EVPL: variants seen among roughly 807,000 people sequenced by gnomAD.
EVPL encodes envoplakin, also known as 210 kDa cornified envelope precursor protein.
In EVPL, 94 loss-of-function variants were observed where a neutral mutation model predicts 129.7. That is an observed-to-expected ratio of 0.72 (90% CI 0.61 to 0.86). The LOEUF is 0.86. Ranked by LOEUF, EVPL falls within the 40% of genes least tolerant of loss-of-function variation. The pLI is 0.00. For synonymous variants in EVPL, 1,172 were observed against 1,191.1 expected (o/e 0.98, Z 0.33); for missense variants, 2,625 against 2,721.1 (o/e 0.96, Z 0.79).
Position 76,009,104 on chromosome 17 carries a change from C to A in EVPL, c.4101G>T (p.Glu1367Asp). 1.2e-6 allele frequency: 2 copies of A among 1,613,204 alleles called. No homozygotes were observed. Among genetic ancestry groups the A allele is most frequent in the Non-Finnish European group, 1.7e-6 (2 of 1,179,514 alleles). Residue 1367 changes from glutamate (E) to aspartate (D), a missense_variant, in exon 22 of 22, where the codon GAG becomes GAT. Physicochemically the swap from Glu to Asp is conservative, Grantham distance 45. Coordinates refer to ENST00000301607, the MANE Select transcript of EVPL (RefSeq NM_001988.4). The surrounding 1 kb of genome is among the most constrained non-coding windows in gnomAD (Gnocchi z 5.9). ...CCACCTCCTGCACCACCACCTTCTC[C>A]TCGGGCTTCCTCCTCTCCAGCAGCA... is the stretch of plus-strand genomic sequence containing the variant. ...KRLLLERRKPEEKVVVQEVVV... is the reference protein window; with the variant it reads ...KRLLLERRKPDEKVVVQEVVV...
At position 76,013,953 on chromosome 17, in the gene EVPL, T is replaced by G. The variant is rs1430859365; in HGVS notation, c.2373+473A>C. Reference sequence around the variant, plus strand: ...TCCCCCTCCTTTCCCCTGACTGCCATGCCTTCTGCATGGGACATTTCATCC... The same window carrying G: ...TCCCCCTCCTTTCCCCTGACTGCCAGGCCTTCTGCATGGGACATTTCATCC... On this transcript the variant is annotated intron_variant, in intron 18 of 21. Coordinates refer to ENST00000301607, the MANE Select transcript of EVPL (RefSeq NM_001988.4). This position sits in a 1 kb window ranked among gnomAD's most constrained non-coding sequence, Gnocchi z 4.3. Among the ~76,000 whole-genome samples, 1 of 152,040 alleles carries G rather than the reference T, an allele frequency of 6.6e-6. No individual in the cohort carries two copies. The highest frequency in any genetic ancestry group is 1.5e-5 in the Non-Finnish European group (1 of 67,984).
Position 76,010,548 on chromosome 17 carries a change from A to G in EVPL, c.2662-5T>C. The G allele has an allele frequency of 6.2e-7, 1 of 1,609,086 alleles. No individual in the cohort carries two copies. The highest frequency in any genetic ancestry group is 8.5e-7 in the Non-Finnish European group (1 of 1,177,516). On this transcript the variant is annotated splice_region_variant and splice_polypyrimidine_tract_variant and intron_variant, in intron 21 of 21. Transcript: ENST00000301607. ...GATGTCCTCACTGAGCTCCTTCTGC[A>G]GAGAGGAAGAAGGGTAGAGCACGGG...
intron 4 of EVPL, 123 bp downstream of exon 4, chr17:76,023,169 C>G: frequency 6.6e-7 from 1 of 1,512,270 alleles, no homozygotes; most frequent in Non-Finnish European, 8.9e-7. Flanking sequence ...TCTGCTGTCT[C>G]TCTGCCCAGA....
chr17:76,023,320 T>C lies in EVPL; in HGVS notation c.452A>G (p.Asp151Gly), dbSNP rs765043883. Residue 151 changes from aspartate (D) to glycine (G), a missense_variant, in exon 4 of 22, where the codon GAC becomes GGC. Around this residue, in one of 4 missense-constraint regions of EVPL, gnomAD observed 1,024 missense variants for 997.5 expected, o/e 1.03. Transcript: ENST00000301607. ...TTTCTGCTCCAGCACGCGTGCCCAGTCGACCCTGGGTCCCACGTCGGGGGG... is the reference window on the plus strand; with the variant it reads ...TTTCTGCTCCAGCACGCGTGCCCAGCCGACCCTGGGTCCCACGTCGGGGGG... The part of the protein sequence containing the change: ...VLPPDVGPRV[D>G]WARVLEQKQK... The C allele has an allele frequency of 2.5e-6, 4 of 1,613,930 alleles. No homozygotes were observed. Among genetic ancestry groups the C allele is most frequent in the Admixed American group, 3.3e-5 (2 of 60,018 alleles).
At chr17:76,025,713 C>T (rs898207921) in intron 1 of EVPL, among the ~76,000 whole-genome samples, 2 of 152,238 alleles carry the variant, frequency 1.3e-5, no homozygotes, top group African/African-American at 4.8e-5. Flanking sequence ...TGATCCCTAT[C>T]GGGGTAATGG....
Position 76,013,432 on chromosome 17 carries a change from T to C in EVPL, c.2373+994A>G, listed in dbSNP as rs1456667507. 6.6e-6 allele frequency among the ~76,000 whole-genome samples: 1 copy of C among 152,148 alleles called. No individual in the cohort carries two copies. Among genetic ancestry groups the C allele is most frequent in the Non-Finnish European group, 1.5e-5 (1 of 68,030 alleles). ...CATATGCCTACGTCCACCTCCCCGC[T>C]GCCCTCGGCTGTCCTGGCCACCTCA... On this transcript the variant is annotated intron_variant, in intron 18 of 21. Transcript: ENST00000301607. This position sits in a 1 kb window ranked among gnomAD's most constrained non-coding sequence, Gnocchi z 4.3.
intron 12 of EVPL, 47 bp downstream of exon 12, chr17:76,018,399 C>A (rs2066433067): frequency 6.3e-7 from 1 of 1,574,868 alleles, no homozygotes; most frequent in Non-Finnish European, 8.6e-7. Context: ...GCAGGGCCGG[C>A]CTGCTCTGCC....
In EVPL at chr17:76,027,193, G is replaced by C; in HGVS notation, c.6C>G (p.Phe2Leu). The C allele has an allele frequency of 6.2e-7, 1 of 1,604,206 alleles. No homozygotes were observed. The highest frequency in any genetic ancestry group is 8.5e-7 in the Non-Finnish European group (1 of 1,176,252). ...CCTGGGAGCCTTTGCTCAGCCCCTT[G>C]AACATGGTCGTAAAGGCAAGTGCTG... Reference protein sequence around the residue: MFKGLSKGSQGK... With the variant: MLKGLSKGSQGK... Residue 2 changes from phenylalanine to leucine, a missense_variant, in exon 1 of 22, where the codon TTC becomes TTG. Physicochemically the swap from Phe to Leu is conservative, Grantham distance 22. Coordinates refer to ENST00000301607, the MANE Select transcript of EVPL (RefSeq NM_001988.4).
In EVPL at chr17:76,009,453, T is replaced by C. The variant is rs770804170; in HGVS notation, c.3752A>G (p.Lys1251Arg). 3 of 1,614,134 alleles carry C rather than the reference T, an allele frequency of 1.9e-6. No homozygotes were observed. The highest frequency in any genetic ancestry group is 2.5e-6 in the Non-Finnish European group (3 of 1,180,030). ...LRAQKPTVEY[K>R]EVTQEVVRHE... ...CCTCACCACCTCCTGGGTCACCTCC[T>C]TGTACTCCACCGTGGGCTTCTGGGC... Residue 1251 changes from lysine to arginine, a missense_variant, in exon 22 of 22, where the codon AAG becomes AGG. Around this residue, in one of 4 missense-constraint regions of EVPL, gnomAD observed 1,453 missense variants for 1,511.8 expected, o/e 0.96. Coordinates refer to ENST00000301607, the MANE Select transcript of EVPL (RefSeq NM_001988.4). The surrounding 1 kb of genome is among the most constrained non-coding windows in gnomAD (Gnocchi z 5.9).
chr17:76,019,352 T>C (rs2066441405), intron 10 of EVPL, among the ~76,000 whole-genome samples, 176 bp downstream of exon 10: 1 of 151,850 alleles, frequency 6.6e-6, no homozygotes. Context: ...CGTCCAGAAG[T>C]GGGAGGAGCT....
At chr17:76,023,927 C>T in intron 2 of EVPL, 94 bp downstream of exon 2, 1 of 1,471,650 alleles carries the variant, frequency 6.8e-7, no homozygotes, top group South Asian at 1.2e-5. Context: ...TCTTCACCAT[C>T]ACCAAGGGGC....
chr17:76,027,070 C>G (rs568313197), intron 1 of EVPL, 31 bp downstream of exon 1: 1 of 1,309,402 alleles, frequency 7.6e-7, no homozygotes, highest in Non-Finnish European at 1.0e-6. Context: ...CACCCCAGTT[C>G]CCCGGCTCCC....
At chr17:76,014,799 A>G in intron 17 of EVPL, 117 bp downstream of exon 17, 6 of 1,194,006 alleles carry the variant, frequency 5.0e-6, no homozygotes, top group Non-Finnish European at 6.9e-6. Context: ...CATTTTAGAG[A>G]TGAGGAAACA....
At position 76,026,191 on chromosome 17, in the gene EVPL, G is replaced by A. The variant is rs550763243; in HGVS notation, c.98+910C>T. 4.6e-5 allele frequency among the ~76,000 whole-genome samples: 7 copies of A among 151,172 alleles called. 1 individual carries two copies. In the South Asian group the frequency reaches 1.0e-3, roughly 23 times the overall value. ...ACTCCCGGGCTCAAGTGATCTACCCGCCTCGGCCTCCCAAAGTTGTAGGAT... is the reference window on the plus strand; with the variant it reads ...ACTCCCGGGCTCAAGTGATCTACCCACCTCGGCCTCCCAAAGTTGTAGGAT... On this transcript the variant is annotated intron_variant, in intron 1 of 21. Transcript: ENST00000301607.
At chr17:76,020,008 A>C (rs1271568442) in intron 9 of EVPL, among the ~76,000 whole-genome samples, 2 of 152,174 alleles carry the variant, frequency 1.3e-5, no homozygotes, top group Non-Finnish European at 2.9e-5. Context: ...AAACCAGATA[A>C]ACCTAAACCA....
rs1295563040 is a variant in EVPL, at chr17:76,008,616, C to T, written c.4589G>A (p.Arg1530His). ...GCGGGCCCGCTCATCTTCCAGGACG[C>T]GGTCCTTCTGCACCCGGATCACTTC... ...YKEVIRVQKD[R>H]VLEDERARVW... is the part of the protein sequence containing the mutation. The change falls in exon 22 of 22, where the codon CGC (arginine) becomes CAC (histidine). Residue 1530 changes from arginine to histidine, a missense_variant. Transcript: ENST00000301607. This position sits in a 1 kb window ranked among gnomAD's most constrained non-coding sequence, Gnocchi z 7.4. The T allele has an allele frequency of 1.9e-6, 3 of 1,612,008 alleles. No individual in the cohort carries two copies. The highest frequency in any genetic ancestry group is 8.5e-7 in the Non-Finnish European group (1 of 1,180,018).
In EVPL at chr17:76,015,087, T is replaced by A; in HGVS notation, c.2051A>T (p.Glu684Val). Residue 684 changes from glutamate to valine, a missense_variant, in exon 17 of 22, where the codon GAA (glutamate) becomes GTA (valine). By Grantham distance (121) the Glu-to-Val change is moderately radical. Coordinates refer to ENST00000301607, the MANE Select transcript of EVPL (RefSeq NM_001988.4). ...TAGCCGCAGCACGCAGGTCTGCTGT[T>A]CCAGCAGCTCCCTCCGCTGGCGCTG... ...ELQRQRRELL[E>V]QQTCVLRLHR... 6.3e-7 allele frequency: 1 copy of A among 1,575,920 alleles called. No individual in the cohort carries two copies. Among genetic ancestry groups the A allele is most frequent in the Non-Finnish European group, 8.6e-7 (1 of 1,161,488 alleles).
In EVPL at chr17:76,027,084, C is replaced by T. The variant is rs773011222; in HGVS notation, c.98+17G>A. The T allele has an allele frequency of 1.4e-6, 2 of 1,420,988 alleles. No homozygotes were observed. The highest frequency in any genetic ancestry group is 1.4e-5 in the South Asian group (1 of 72,382). 88.0% of individuals were successfully genotyped at this position (1,420,988 alleles called of 1,614,324 possible). On this transcript the variant is annotated intron_variant, in intron 1 of 21. Transcript: ENST00000301607. The stretch of plus-strand genomic sequence containing the variant: ...CCACCCCAGTTCCCCGGCTCCCCAT[C>T]CCCCAGTCCCACTTACCGGCTGTGC...
Position 76,022,147 on chromosome 17 carries a change from G to A in EVPL, c.645+42C>T. 1 of 1,608,290 alleles carries A rather than the reference G, an allele frequency of 6.2e-7. No homozygotes were observed. Among genetic ancestry groups the A allele is most frequent in the Non-Finnish European group, 8.5e-7 (1 of 1,178,260 alleles). On this transcript the variant is annotated intron_variant, in intron 6 of 21. Transcript: ENST00000301607. The surrounding 1 kb of genome is among the most constrained non-coding windows in gnomAD (Gnocchi z 5.6). Reference sequence around the variant, plus strand: ...GGGCAGGGTCCGGGCGGCCACCCAGGCCCACCCGCAGCCTCCCTGCCCGAC... The same window carrying A: ...GGGCAGGGTCCGGGCGGCCACCCAGACCCACCCGCAGCCTCCCTGCCCGAC...
Sources: allele counts gnomAD v4.1 joint callset (sites outside exome capture counted in the v4.1 genomes callset), GRCh38; gene constraint gnomAD v4.1.1; regional missense constraint gnomAD v4.1.1; non-coding constraint Gnocchi (gnomAD v3.1); transcripts MANE v1.5; gene names NCBI Gene and HGNC (gene_info 2026-07-23, HGNC 2026-07-21).